The following LRRIQ3 variants were observed in gnomAD, a reference collection of about 807,000 sequenced individuals.
LRRIQ3 encodes leucine-rich repeat and IQ domain-containing protein 3.
LRRIQ3 carries 75 observed loss-of-function variants against 59.3 expected under a neutral mutation model. That is an observed-to-expected ratio of 1.26 (90% CI 1.05 to 1.53). LRRIQ3 has a LOEUF of 1.53. LRRIQ3 is among the 40% of genes most tolerant of loss of function. The pLI, the probability that LRRIQ3 is intolerant of heterozygous loss-of-function variation, is 0.00. For missense variants in LRRIQ3, 831 were observed against 710.0 expected, an observed-to-expected ratio of 1.17 and a Z score of -1.94; for synonymous variants, 250 against 231.3, an observed-to-expected ratio of 1.08 and a Z score of -0.73.
chr1:74,051,186 C>T (rs1654360332), intron 6 of LRRIQ3, among the ~76,000 whole-genome samples: 2 of 152,074 alleles, frequency 1.3e-5, no homozygotes, highest in Admixed American at 6.6e-5. Context: ...AATTGTAACA[C>T]ATTAAATGTT....
intron 5 of LRRIQ3, among the ~76,000 whole-genome samples, chr1:74,102,228 C>T (rs1463721844): frequency 1.3e-5 from 2 of 151,918 alleles, no homozygotes; most frequent in African/African-American, 4.8e-5. Context: ...TTATTCGATA[C>T]TGATACAGTA....
chr1:74,183,373 A>G, intron 2 of LRRIQ3, 63 bp downstream of exon 2: 1 of 1,395,376 alleles, frequency 7.2e-7, no homozygotes, highest in Non-Finnish European at 9.6e-7. Context: ...TAGGTAACAT[A>G]AGTACTTATT....
At chr1:74,075,023 T>C (rs897168049) in intron 5 of LRRIQ3, among the ~76,000 whole-genome samples, 7 of 151,772 alleles carry the variant, frequency 4.6e-5, no homozygotes, top group Non-Finnish European at 7.4e-5. Flanking sequence ...GTGAGAGAGA[T>C]TGAGGGAAAG....
At chr1:74,077,778 A>G (rs1416267863) in intron 5 of LRRIQ3, among the ~76,000 whole-genome samples, 1 of 151,994 alleles carries the variant, frequency 6.6e-6, no homozygotes, top group Non-Finnish European at 1.5e-5. Flanking sequence ...GGCTTACACA[A>G]GCTGCAAAAG....
chr1:74,089,159 C>G (rs189078316), intron 5 of LRRIQ3, among the ~76,000 whole-genome samples: 1 of 152,080 alleles, frequency 6.6e-6, no homozygotes, highest in Admixed American at 6.6e-5. Context: ...CATAAAATAA[C>G]AAGTATTGGT....
At chr1:74,048,972 A>G (rs1280254927) in intron 6 of LRRIQ3, among the ~76,000 whole-genome samples, 3 of 152,196 alleles carry the variant, frequency 2.0e-5, no homozygotes, top group Non-Finnish European at 2.9e-5. Context: ...CTCTGATAAA[A>G]ATTAATTGGC....
intron 6 of LRRIQ3, among the ~76,000 whole-genome samples, chr1:74,057,009 T>C (rs1265105561): frequency 6.6e-6 from 1 of 152,144 alleles, no homozygotes; most frequent in Non-Finnish European, 1.5e-5. Flanking sequence ...TGCTTCCCCT[T>C]TGCCTTCGCT....
rs534367426 is a variant in LRRIQ3 at position 74,174,113 on chromosome 1, TTCTC to T, written c.573+8421_573+8424del. ...TATTTTATACACTTTCTTCCCTCTT[TTCTC>T]TCTGTCTCTCTTAACTTTGTAAGAT... On this transcript the variant is annotated intron_variant, in intron 3 of 7. Transcript: ENST00000354431. Among the ~76,000 whole-genome samples the T allele has an allele frequency of 4.7e-3, 714 of 152,246 alleles. 6 individuals carry two copies. The highest frequency in any genetic ancestry group is 0.016 in the African/African-American group (664 of 41,540).
At chr1:74,130,025 G>T (rs1439568563) in intron 4 of LRRIQ3, among the ~76,000 whole-genome samples, 1 of 151,944 alleles carries the variant, frequency 6.6e-6, no homozygotes, top group Non-Finnish European at 1.5e-5. Context: ...GAAGGCAGAA[G>T]TCTCTCTTGG....
intron 1 of LRRIQ3, among the ~76,000 whole-genome samples, chr1:74,190,358 A>G (rs572436072): frequency 2.0e-5 from 3 of 152,296 alleles, no homozygotes; most frequent in East Asian, 1.9e-4. Flanking sequence ...CAAAAACATT[A>G]TAACAGAAAT....
rs1369895845 is a variant in LRRIQ3 at position 74,136,423 on chromosome 1, A to G, written c.707+19310T>C. Among the ~76,000 whole-genome samples, 4 of 151,992 alleles carry G rather than the reference A, an allele frequency of 2.6e-5. No homozygotes were observed. The South Asian group carries it at 8.3e-4, about 31-fold the overall frequency. On this transcript the variant is annotated intron_variant, in intron 4 of 7. Coordinates refer to ENST00000354431, the MANE Select transcript of LRRIQ3 (RefSeq NM_001105659.2). ...ATCATTCCAGATGGTGGCTACACAG[A>G]AAGTTTCTTAGCACAGCAGTGAGCA...
At position 74,196,715 on chromosome 1, in the gene LRRIQ3, C is replaced by T. The variant is rs568497204; in HGVS notation, c.-1+1281G>A. 3.9e-5 allele frequency among the ~76,000 whole-genome samples: 6 copies of T among 152,280 alleles called. No individual in the cohort carries two copies. In the East Asian group the frequency reaches 7.7e-4, roughly 20 times the overall value. ...TCCACACCCATTAATTCCATCAGCA[C>T]ATTTTATTGTTTTTGTCTTAAAAAT... On this transcript the variant is annotated intron_variant, in intron 1 of 7. Coordinates refer to ENST00000354431, the MANE Select transcript of LRRIQ3 (RefSeq NM_001105659.2).
chr1:74,135,004 C>T lies in LRRIQ3; in HGVS notation c.707+20729G>A, dbSNP rs1002102101. 1.1e-4 allele frequency among the ~76,000 whole-genome samples: 17 copies of T among 151,746 alleles called. 1 individual carries two copies. ...ACGTAAGTTTCTAACTACAATCTGT[C>T]TACAAAAGAAACTTTAAAATTCAGA... is the stretch of plus-strand genomic sequence containing the variant. On this transcript the variant is annotated intron_variant, in intron 4 of 7. Coordinates refer to ENST00000354431, the MANE Select transcript of LRRIQ3 (RefSeq NM_001105659.2).
intron 6 of LRRIQ3, among the ~76,000 whole-genome samples, chr1:74,071,137 T>C (rs1256425022): frequency 6.6e-6 from 1 of 151,808 alleles, no homozygotes; most frequent in African/African-American, 2.4e-5. Context: ...TATATATAAC[T>C]ATCTATTGTC....
rs537835995 is a variant in LRRIQ3, at chr1:74,147,135, G to A, written c.707+8598C>T. Among the ~76,000 whole-genome samples, 5 of 152,258 alleles carry A rather than the reference G, an allele frequency of 3.3e-5. No individual in the cohort carries two copies. The East Asian group carries it at 9.7e-4, about 30-fold the overall frequency. On this transcript the variant is annotated intron_variant, in intron 4 of 7. Coordinates refer to ENST00000354431, the MANE Select transcript of LRRIQ3 (RefSeq NM_001105659.2). ...CCCAGCCACTCAGGAGGCTGAGGTA[G>A]AAGAATCGCTTGAGCCCAGGAAGGT...
rs1419556354 is a variant in LRRIQ3 at position 74,042,696 on chromosome 1, G to A, written c.998-763C>T. 3.3e-5 allele frequency among the ~76,000 whole-genome samples: 5 copies of A among 152,196 alleles called. No individual in the cohort carries two copies. In the East Asian group the frequency reaches 7.7e-4, roughly 23 times the overall value. ...TTACCTTATTTTTCTTAACTCTGGTGGAAAATAGTAGCAGCCATCAATCGT... is the reference window on the plus strand; with the variant it reads ...TTACCTTATTTTTCTTAACTCTGGTAGAAAATAGTAGCAGCCATCAATCGT... On this transcript the variant is annotated intron_variant, in intron 6 of 7. Transcript: ENST00000354431.
intron 7 of LRRIQ3, among the ~76,000 whole-genome samples, chr1:74,035,349 T>C (rs1031469636): frequency 2.6e-5 from 4 of 152,100 alleles, no homozygotes; most frequent in African/African-American, 7.2e-5. Flanking sequence ...TCATAACTGA[T>C]TTATTCTTTA....
At chr1:74,043,190 T>G (rs756302790) in intron 6 of LRRIQ3, among the ~76,000 whole-genome samples, 3 of 152,148 alleles carry the variant, frequency 2.0e-5, no homozygotes, top group Non-Finnish European at 2.9e-5. Flanking sequence ...ATAAAAGTTA[T>G]GCTTGTTAAT....
intron 3 of LRRIQ3, among the ~76,000 whole-genome samples, chr1:74,162,547 C>T (rs887959150): frequency 6.6e-6 from 1 of 151,662 alleles, no homozygotes; most frequent in Non-Finnish European, 1.5e-5. Context: ...ATAATTATGA[C>T]TCATATGGAT....
Sources: gnomAD v4.1 joint callset for allele counts (sites outside exome capture counted in the v4.1 genomes callset) on GRCh38, gnomAD v4.1.1 for gene constraint, MANE v1.5 for transcripts, NCBI Gene and HGNC (gene_info 2026-07-23, HGNC 2026-07-21) for gene names.